The following TOGARAM1 variants were observed in gnomAD, a reference collection of about 807,000 sequenced individuals.
TOGARAM1 encodes TOG array regulator of axonemal microtubules protein 1.
TOGARAM1 carries 100 observed loss-of-function variants against 166.6 expected under a neutral mutation model. The observed-to-expected ratio is 0.60, with a 90% CI of 0.51 to 0.71. The LOEUF is 0.71. Among genes scored for constraint, TOGARAM1 ranks in the 30% least tolerant of loss-of-function variants. The pLI is 0.00. For synonymous variants in TOGARAM1, 758 were observed against 763.8 expected, an observed-to-expected ratio of 0.99 and a Z score of 0.13; for missense variants, 2,029 against 2,102.7, an observed-to-expected ratio of 0.96 and a Z score of 0.69.
intron 7 of TOGARAM1, among the ~76,000 whole-genome samples, chr14:45,021,315 A>C (rs1471407242): frequency 1.3e-5 from 2 of 152,120 alleles, no homozygotes; most frequent in African/African-American, 4.8e-5. Context: ...TGGGGCAGTG[A>C]AGGTGGGGTT....
At chr14:45,056,801 T>A (rs1288928833) in intron 16 of TOGARAM1, among the ~76,000 whole-genome samples, 1 of 152,174 alleles carries the variant, frequency 6.6e-6, no homozygotes, top group East Asian at 1.9e-4. Context: ...TTTTAGGGGA[T>A]GTTAGTCTGT....
intron 1 of TOGARAM1, among the ~76,000 whole-genome samples, chr14:44,988,602 A>G (rs1262807843): frequency 6.6e-6 from 1 of 152,258 alleles, no homozygotes; most frequent in Admixed American, 6.5e-5. Flanking sequence ...GTTGAGTGGT[A>G]GTTTCAAATA....
intron 10 of TOGARAM1, among the ~76,000 whole-genome samples, chr14:45,029,536 G>A (rs974577330): frequency 1.3e-5 from 2 of 152,118 alleles, no homozygotes; most frequent in Admixed American, 6.5e-5. Context: ...TCAAAGTGTA[G>A]TTGTTTAGCT....
At position 45,044,683 on chromosome 14, in the gene TOGARAM1, A is replaced by G. The variant is rs1269969249; in HGVS notation, c.3967A>G (p.Ser1323Gly). The change falls in exon 13 of 20, where the codon AGT (serine) becomes GGT (glycine). Residue 1323 changes from serine to glycine, a missense_variant. Transcript: ENST00000361462. ...GVSRAAVVCL[S>G]DLFTYLKKSM... ...TTCTCGTGCTGCTGTGGTCTGTTTA[A>G]GTGATCTTTTCACTTATTTGAAAAA... 6.2e-7 allele frequency: 1 copy of G among 1,614,042 alleles called. No homozygotes were observed. Among genetic ancestry groups the G allele is most frequent in the South Asian group, 1.1e-5 (1 of 91,074 alleles).
At chr14:45,027,731 C>T (rs117411615) in intron 9 of TOGARAM1, among the ~76,000 whole-genome samples, 1,607 of 152,086 alleles carry the variant, frequency 0.011, 15 homozygotes, top group Non-Finnish European at 0.017. Context: ...AATGTAGCTA[C>T]AGCCATGCGT....
intron 7 of TOGARAM1, among the ~76,000 whole-genome samples, chr14:45,019,817 C>T (rs11848546): frequency 0.04 from 6,152 of 152,226 alleles, 430 homozygotes; most frequent in African/African-American, 0.14. Context: ...TCTCAGTCCG[C>T]CCTCTCAACA....
intron 5 of TOGARAM1, 27 bp downstream of exon 5, chr14:45,006,294 TA>T (rs1251737313): frequency 2.0e-6 from 3 of 1,519,678 alleles, no homozygotes; most frequent in Non-Finnish European, 2.7e-6. Flanking sequence ...TTTAATGACT[TA>T]AAAATATTTG....
chr14:45,052,340 A>C, intron 14 of TOGARAM1, 96 bp from the exon 15 acceptor site: 2 of 916,450 alleles, frequency 2.2e-6, no homozygotes, highest in Non-Finnish European at 3.3e-6. Flanking sequence ...GATGTTTGAT[A>C]GGTGTTTTTT....
intron 7 of TOGARAM1, among the ~76,000 whole-genome samples, chr14:45,015,319 T>C (rs868652013): frequency 7.6e-6 from 1 of 130,994 alleles, no homozygotes; most frequent in South Asian, 2.1e-4. Context: ...AATAAATAAA[T>C]AAATAAATAA....
intron 7 of TOGARAM1, among the ~76,000 whole-genome samples, chr14:45,019,705 G>A (rs765778453): frequency 6.6e-6 from 1 of 152,194 alleles, no homozygotes; most frequent in Non-Finnish European, 1.5e-5. Flanking sequence ...TTGGTCGAGT[G>A]TGAGCTAAGT....
chr14:45,073,490 G>A lies in TOGARAM1; in HGVS notation c.5251G>A (p.Ala1751Thr), dbSNP rs1337029752. The A allele has an allele frequency of 1.2e-6, 2 of 1,614,054 alleles. No homozygotes were observed. The highest frequency in any genetic ancestry group is 1.7e-6 in the Non-Finnish European group (2 of 1,179,984). ...QMGQNLLNQAASQPPHIKKSL... is the reference protein window; with the variant it reads ...QMGQNLLNQATSQPPHIKKSL... ...GGGTCAGAATCTGTTAAATCAGGCT[G>A]CATCTCAACCACCACATATCAAAAA... Residue 1751 changes from alanine to threonine, a missense_variant, in exon 20 of 20, where the codon GCA becomes ACA. Ala to Thr is a moderately conservative substitution (Grantham distance 58). Around this residue, in one of 2 missense-constraint regions of TOGARAM1, gnomAD observed 576 missense variants for 670.5 expected, o/e 0.86. Coordinates refer to ENST00000361462, the MANE Select transcript of TOGARAM1 (RefSeq NM_001308120.2).
chr14:45,013,628 C>T (rs1879942049), intron 7 of TOGARAM1, among the ~76,000 whole-genome samples: 1 of 152,114 alleles, frequency 6.6e-6, no homozygotes, highest in South Asian at 2.1e-4. Context: ...CAACATAAAC[C>T]TTGAGAAGGG....
intron 2 of TOGARAM1, chr14:44,996,627 G>A (rs1309893972): frequency 2.6e-5 from 4 of 152,190 alleles, no homozygotes; most frequent in African/African-American, 4.8e-5. Flanking sequence ...AGATGAAAGT[G>A]TATTAGTCTG....
At chr14:44,993,111 A>C (rs755577451) in intron 1 of TOGARAM1, among the ~76,000 whole-genome samples, 1 of 151,276 alleles carries the variant, frequency 6.6e-6, no homozygotes, top group Non-Finnish European at 1.5e-5. Flanking sequence ...AGTAAAATAA[A>C]ATAAAGATAA....
At chr14:45,002,800 A>G (rs1594642403) in intron 3 of TOGARAM1, among the ~76,000 whole-genome samples, 1 of 152,060 alleles carries the variant, frequency 6.6e-6, no homozygotes, top group Non-Finnish European at 1.5e-5. Flanking sequence ...ACACGGTGAA[A>G]CCCCGTCTCT....
At chr14:45,050,306 A>G (rs1232427532) in intron 14 of TOGARAM1, among the ~76,000 whole-genome samples, 2 of 152,074 alleles carry the variant, frequency 1.3e-5, no homozygotes, top group Non-Finnish European at 2.9e-5. Context: ...AGGCTGGAGT[A>G]CAGTGGTATA....
chr14:44,967,488 C>G (rs1264479083), intron 1 of TOGARAM1, among the ~76,000 whole-genome samples: 1 of 152,130 alleles, frequency 6.6e-6, no homozygotes, highest in East Asian at 1.9e-4. Flanking sequence ...TCAAACTTTT[C>G]TTAAATTAAG....
chr14:45,055,559 C>T (rs577262785), intron 16 of TOGARAM1, among the ~76,000 whole-genome samples: 1 of 152,066 alleles, frequency 6.6e-6, no homozygotes, highest in Non-Finnish European at 1.5e-5. Flanking sequence ...AATCCCAGCA[C>T]TTTGGGATGC....
rs571939466 is a variant in TOGARAM1, at chr14:45,047,497, T to C, written c.4313+794T>C. Reference sequence around the variant, plus strand: ...TGAAAACTACACAAATTTCTGATGCTTTTACTGGAAAAACAATTTTATGAA... The same window carrying C: ...TGAAAACTACACAAATTTCTGATGCCTTTACTGGAAAAACAATTTTATGAA... On this transcript the variant is annotated intron_variant, in intron 14 of 19. Coordinates refer to ENST00000361462, the MANE Select transcript of TOGARAM1 (RefSeq NM_001308120.2). Among the ~76,000 whole-genome samples, 359 of 152,180 alleles carry C rather than the reference T, an allele frequency of 2.4e-3. 4 individuals are homozygous for C. The highest frequency in any genetic ancestry group is 8.3e-3 in the African/African-American group (345 of 41,514).
Sources: gnomAD v4.1 joint callset for allele counts (sites outside exome capture counted in the v4.1 genomes callset) on GRCh38, gnomAD v4.1.1 for gene constraint, gnomAD v4.1.1 regional missense constraint, MANE v1.5 for transcripts, NCBI Gene and HGNC (gene_info 2026-07-23, HGNC 2026-07-21) for gene names.